VWA8: variants seen among roughly 807,000 people sequenced by gnomAD.
VWA8 encodes von Willebrand factor A domain-containing protein 8.
In VWA8, 221 loss-of-function variants were observed where a neutral mutation model predicts 241.5. The observed-to-expected ratio is 0.91, with a 90% confidence interval of 0.82 to 1.02. VWA8 has a LOEUF of 1.02. VWA8 is among the 50% of genes least tolerant of loss of function. The probability of loss-of-function intolerance (pLI) is 0.00; values close to 1 mark genes in which losing one functional copy is unlikely to be tolerated. For synonymous variants in VWA8, 852 were observed against 827.1 expected (o/e 1.03, Z -0.52); for missense variants, 2,322 against 2,328.7 (o/e 1.00, Z 0.06).
In VWA8 at chr13:41,719,646, G is replaced by C. The variant is rs779122091; in HGVS notation, c.3061C>G (p.His1021Asp). Residue 1021 changes from histidine (H) to aspartate (D), a missense_variant, in exon 26 of 45, where the codon CAC (histidine) becomes GAC (aspartate). His to Asp is a moderately conservative substitution (Grantham distance 81). Coordinates refer to ENST00000379310, the MANE Select transcript of VWA8 (RefSeq NM_015058.2). ...DMREILINTL[H>D]KYGIPIGAKP... ...GCTCCGATAGGTATCCCGTATTTGT[G>C]TAAAGTGTTAATCAATATCTCCCTC... The C allele has an allele frequency of 6.2e-7, 1 of 1,613,174 alleles. No individual in the cohort carries two copies. The highest frequency in any genetic ancestry group is 8.5e-7 in the Non-Finnish European group (1 of 1,179,426).
intron 2 of VWA8, among the ~76,000 whole-genome samples, chr13:41,923,305 G>C (rs1876653016): frequency 6.6e-6 from 1 of 152,070 alleles, no homozygotes; most frequent in African/African-American, 2.4e-5. Flanking sequence ...GGAGCGGGGA[G>C]GGATAGCATT....
At chr13:41,764,647 G>C (rs188763397) in intron 20 of VWA8, among the ~76,000 whole-genome samples, 262 of 152,220 alleles carry the variant, frequency 1.7e-3, no homozygotes, top group Middle Eastern at 3.4e-3. Context: ...GAGTGATACA[G>C]GTAGAACAGT....
intron 37 of VWA8, among the ~76,000 whole-genome samples, chr13:41,617,074 A>AT (rs1156535710): frequency 2.6e-5 from 4 of 152,062 alleles, no homozygotes; most frequent in East Asian, 1.9e-4. Context: ...TACAGTCTAA[A>AT]TTTTTTTAAA....
At chr13:41,676,399 A>G (rs1593690571) in intron 35 of VWA8, among the ~76,000 whole-genome samples, 1 of 152,148 alleles carries the variant, frequency 6.6e-6, no homozygotes, top group East Asian at 1.9e-4. Context: ...CAGAAGGTGA[A>G]TTGGTCTCTG....
chr13:41,931,507 A>G (rs1176812194), intron 2 of VWA8, among the ~76,000 whole-genome samples: 1 of 152,094 alleles, frequency 6.6e-6, no homozygotes, highest in African/African-American at 2.4e-5. Context: ...TATGAGGACT[A>G]TAAGTAATAA....
chr13:41,671,658 T>C lies in VWA8; in HGVS notation c.4410-511A>G, dbSNP rs61659400. Among the ~76,000 whole-genome samples the C allele has an allele frequency of 2.6e-3, 392 of 152,144 alleles. 2 individuals carry two copies. The highest frequency in any genetic ancestry group is 0.015 in the South Asian group (70 of 4,814). ...TAGATGAAGTTGTGAGGGTAGAGCC[T>C]CTTTTATAGAATGGGATTAGGGCCC... On this transcript the variant is annotated intron_variant, in intron 36 of 44. Coordinates refer to ENST00000379310, the MANE Select transcript of VWA8 (RefSeq NM_015058.2).
Position 41,891,461 on chromosome 13 carries a change from G to T in VWA8, c.610C>A (p.Arg204Ser), listed in dbSNP as rs200803682. 372 of 1,614,168 alleles carry T rather than the reference G, an allele frequency of 2.3e-4. No homozygotes were observed. Among genetic ancestry groups the T allele is most frequent in the Non-Finnish European group, 2.9e-4 (345 of 1,180,026 alleles). ...ENREMQLEDG[R>S]FLMSAERYDK... is the part of the protein sequence containing the mutation. ...TAACGCTCAGCAGACATCAGGAAGC[G>T]TCCATCTTCAAGCTGCATCTCTCTG... Residue 204 changes from arginine to serine, a missense_variant, in exon 5 of 45, where the codon CGC (arginine) becomes AGC (serine). By Grantham distance (110) the Arg-to-Ser change is moderately radical. Transcript: ENST00000379310.
At chr13:41,637,352 G>C (rs1258187350) in intron 37 of VWA8, among the ~76,000 whole-genome samples, 1 of 141,540 alleles carries the variant, frequency 7.1e-6, no homozygotes, top group Admixed American at 7.6e-5. Flanking sequence ...TCATAGGTGG[G>C]AACTGAACAA....
chr13:41,946,263 ATACT>A (rs1009289775), intron 2 of VWA8, among the ~76,000 whole-genome samples: 9 of 152,188 alleles, frequency 5.9e-5, no homozygotes, highest in African/African-American at 2.2e-4. Flanking sequence ...CATCTAGAAG[ATACT>A]TACTAAAGGG....
chr13:41,949,374 T>A (rs1878015628), intron 2 of VWA8, among the ~76,000 whole-genome samples: 1 of 151,296 alleles, frequency 6.6e-6, no homozygotes, highest in Non-Finnish European at 1.5e-5. Flanking sequence ...CTAACACAGG[T>A]ACAGAAAACC....
At chr13:41,756,116 A>G (rs1430066834) in intron 21 of VWA8, among the ~76,000 whole-genome samples, 2 of 151,780 alleles carry the variant, frequency 1.3e-5, no homozygotes, top group African/African-American at 4.8e-5. Context: ...AGGCATAAAA[A>G]TGGGAATATC....
chr13:41,600,132 G>A (rs9566805), intron 40 of VWA8, among the ~76,000 whole-genome samples: 9,305 of 152,128 alleles, frequency 0.061, 347 homozygotes, highest in East Asian at 0.15. Context: ...TTTGAGAGGC[G>A]TCCCAACAAA....
intron 2 of VWA8, among the ~76,000 whole-genome samples, chr13:41,931,448 T>G (rs1172014476): frequency 6.6e-6 from 1 of 151,802 alleles, no homozygotes. Context: ...GTCAGAGTAT[T>G]TAAATAGCAG....
intron 37 of VWA8, among the ~76,000 whole-genome samples, chr13:41,637,961 T>G (rs1035780355): frequency 6.6e-6 from 1 of 152,240 alleles, no homozygotes; most frequent in Non-Finnish European, 1.5e-5. Flanking sequence ...CTACCACTTA[T>G]GATCTATGAA....
At chr13:41,658,244 C>A (rs75506935) in intron 37 of VWA8, among the ~76,000 whole-genome samples, 2,909 of 152,260 alleles carry the variant, frequency 0.019, 55 homozygotes, top group African/African-American at 0.051. Context: ...GGATAGATGG[C>A]GCTCAGGAGT....
At chr13:41,832,947 A>T (rs377515742) in intron 13 of VWA8, among the ~76,000 whole-genome samples, 131 of 118,806 alleles carry the variant, frequency 1.1e-3, no homozygotes, top group Non-Finnish European at 2.0e-3. Context: ...TCTCTCTCTC[A>T]AAAAAAAAAG....
At chr13:41,570,408 T>C (rs2044292374) in intron 44 of VWA8, 60 bp downstream of exon 44, 4 of 1,451,052 alleles carry the variant, frequency 2.8e-6, no homozygotes, top group Non-Finnish European at 3.8e-6. Context: ...TAAAACAGCA[T>C]GTGTTAGCTA....
chr13:41,691,428 A>T lies in VWA8; in HGVS notation c.3758T>A (p.Leu1253Gln). 1 of 1,612,572 alleles carries T rather than the reference A, an allele frequency of 6.2e-7. No homozygotes were observed. Among genetic ancestry groups the T allele is most frequent in the Admixed American group, 1.7e-5 (1 of 59,864 alleles). The change falls in exon 32 of 45, where the codon CTG becomes CAG. Residue 1253 changes from leucine to glutamine, a missense_variant. Transcript: ENST00000379310. The part of the protein sequence containing the change: ...YKEKGNSLTV[L>Q]DVLEGRTHTI... ...GTGAGTTCGCCCTTCTAGAACATCCAGCACAGTCAGGCTGTTCCTGGAAAA... is the reference window on the plus strand; with the variant it reads ...GTGAGTTCGCCCTTCTAGAACATCCTGCACAGTCAGGCTGTTCCTGGAAAA...
intron 16 of VWA8, among the ~76,000 whole-genome samples, chr13:41,816,326 T>G (rs1870690291): frequency 6.6e-6 from 1 of 151,986 alleles, no homozygotes; most frequent in Non-Finnish European, 1.5e-5. Context: ...GAAATACAAG[T>G]CAATCAGAAA....
Sources: allele counts gnomAD v4.1 joint callset (sites outside exome capture counted in the v4.1 genomes callset), GRCh38; gene constraint gnomAD v4.1.1; transcripts MANE v1.5; gene names NCBI Gene and HGNC (gene_info 2026-07-23, HGNC 2026-07-21).